The following TTC19 variants were observed in gnomAD, a reference collection of about 807,000 sequenced individuals.
The protein encoded by TTC19 is tetratricopeptide repeat protein 19, mitochondrial.
A neutral mutation model predicts 49.5 loss-of-function variants in TTC19; 38 were observed. That is an observed-to-expected ratio of 0.77 (90% CI 0.59 to 1.01). TTC19 has a LOEUF of 1.01. TTC19 is among the 50% of genes least tolerant of loss of function. The pLI, the probability that TTC19 is intolerant of heterozygous loss-of-function variation, is 0.00. For missense variants in TTC19, 475 were observed against 477.7 expected (o/e 0.99, Z 0.05); for synonymous variants, 204 against 185.2 (o/e 1.10, Z -0.83).
intron 7 of TTC19, among the ~76,000 whole-genome samples, chr17:16,010,993 G>A (rs1184927583): frequency 2.6e-5 from 4 of 152,280 alleles, no homozygotes; most frequent in South Asian, 4.1e-4. Flanking sequence ...TTTTGTGTAC[G>A]TTTTGCTTCC....
chr17:16,003,562 A>G (rs1970805980), intron 4 of TTC19, among the ~76,000 whole-genome samples: 1 of 152,136 alleles, frequency 6.6e-6, no homozygotes, highest in Non-Finnish European at 1.5e-5. Flanking sequence ...AGTCTCTGCC[A>G]CAGTGGGTTT....
intron 9 of TTC19, chr17:16,026,915 C>T (rs770430526): frequency 4.5e-5 from 28 of 626,146 alleles, no homozygotes; most frequent in Non-Finnish European, 6.9e-5. Context: ...ACTAGCCTGT[C>T]GAACCCCATC....
intron 7 of TTC19, among the ~76,000 whole-genome samples, chr17:16,014,573 C>T (rs1971161533): frequency 6.6e-6 from 1 of 152,184 alleles, no homozygotes; most frequent in African/African-American, 2.4e-5. Context: ...AATCATGATA[C>T]AGGTTGAGCA....
intron 7 of TTC19, among the ~76,000 whole-genome samples, chr17:16,008,364 A>T (rs978213267): frequency 1.3e-5 from 2 of 152,138 alleles, no homozygotes; most frequent in Non-Finnish European, 2.9e-5. Context: ...TAAATGGCAC[A>T]CTACTCATTT....
chr17:16,039,548 C>T (rs61754986), intron 2 of TTC19: 1 of 1,614,142 alleles, frequency 6.2e-7, no homozygotes, highest in Non-Finnish European at 8.5e-7. Flanking sequence ...CTCCATGATC[C>T]TCAACTTTGT....
In TTC19 at chr17:16,027,544, A is replaced by C; in HGVS notation, c.*22A>C. 6.2e-7 allele frequency: 1 copy of C among 1,613,232 alleles called. No homozygotes were observed. Among genetic ancestry groups the C allele is most frequent in the Non-Finnish European group, 8.5e-7 (1 of 1,179,458 alleles). On this transcript the variant is annotated 3_prime_UTR_variant, in exon 10 of 10. Transcript: ENST00000261647. ...CTAAATCCATTTTTGTGTAGGGAGA[A>C]TAATGTCTAGTAATGTGGAAGAATA... is the stretch of plus-strand genomic sequence containing the variant.
chr17:16,038,646 C>T (rs2056932992), intron 2 of TTC19, among the ~76,000 whole-genome samples: 1 of 152,114 alleles, frequency 6.6e-6, no homozygotes, highest in Non-Finnish European at 1.5e-5. Flanking sequence ...TCATGTTGCC[C>T]AGGCTGGTCT....
In TTC19 at chr17:16,002,028, A is replaced by G; in HGVS notation, c.423+3A>G. 6.3e-7 allele frequency: 1 copy of G among 1,598,884 alleles called. No homozygotes were observed. Among genetic ancestry groups the G allele is most frequent in the Non-Finnish European group, 8.6e-7 (1 of 1,168,904 alleles). The stretch of plus-strand genomic sequence containing the variant: ...CCATCACTTACACTTATGATTTGGT[A>G]ACTCTTATAACCAGTCTGAACCACT... On this transcript the variant is annotated splice_donor_region_variant and intron_variant, in intron 3 of 9. Transcript: ENST00000261647.
intron 1 of TTC19, 41 bp downstream of exon 1, chr17:16,000,073 A>G: frequency 7.4e-7 from 1 of 1,353,728 alleles, no homozygotes; most frequent in Non-Finnish European, 9.4e-7. Flanking sequence ...GGGCGGGGAC[A>G]GGGGCGCGGG....
chr17:16,029,391 ATTT>A lies in TTC19; in HGVS notation c.*1873_*1875del, dbSNP rs1325373927. On this transcript the variant is annotated 3_prime_UTR_variant, in exon 10 of 10. Transcript: ENST00000261647. ...AATTGGTTAAAATCGTGTCATTAAA[ATTT>A]TTTAACTGTCCAATGGTCACTGGAG... is the stretch of plus-strand genomic sequence containing the variant. 4 of 334,158 alleles carry A rather than the reference ATTT, an allele frequency of 1.2e-5. No individual in the cohort carries two copies. Among genetic ancestry groups the A allele is most frequent in the Middle Eastern group, 2.1e-3 (2 of 950 alleles). The allele number at this position is 334,158 out of a possible 1,614,324, so 20.7% of individuals were successfully genotyped here.
chr17:16,039,378 T>TGCATCAG, intron 2 of TTC19: 1 of 1,547,426 alleles, frequency 6.5e-7, no homozygotes, highest in Non-Finnish European at 8.9e-7. Context: ...ATTTGGGAAA[T>TGCATCAG]AAACTGGCTT....
chr17:16,026,549 C>T lies in TTC19; in HGVS notation c.841C>T (p.Leu281=), dbSNP rs776374029. Residue 281 remains leucine (L), a synonymous_variant, in exon 9 of 10, where the codon CTG becomes TTG. Coordinates refer to ENST00000261647, the MANE Select transcript of TTC19 (RefSeq NM_017775.4). The part of the protein sequence containing the change: ...QGERHPQTIV[L]MSDLATTLDA... The stretch of plus-strand genomic sequence containing the variant: ...TTTCTTTTACATACAGACCATTGTG[C>T]TGATGAGTGACCTGGCTACTACCCT... 1 of 1,614,106 alleles carries T rather than the reference C, an allele frequency of 6.2e-7. No individual in the cohort carries two copies. Among genetic ancestry groups the T allele is most frequent in the South Asian group, 1.1e-5 (1 of 91,072 alleles).
At chr17:16,025,388 T>C (rs1490527625) in intron 8 of TTC19, among the ~76,000 whole-genome samples, 1 of 152,210 alleles carries the variant, frequency 6.6e-6, no homozygotes, top group Non-Finnish European at 1.5e-5. Flanking sequence ...TGCCCAGAAC[T>C]TTTTGCATGA....
At chr17:16,034,293 G>A (rs1166607872), downstream of TTC19, among the ~76,000 whole-genome samples, 1 of 152,132 alleles carries the variant, frequency 6.6e-6, no homozygotes, top group Non-Finnish European at 1.5e-5. Context: ...GGTTATATGT[G>A]CATTCAGTTT....
At chr17:16,040,164 A>C in intron 2 of TTC19, 1 of 557,568 alleles carries the variant, frequency 1.8e-6, no homozygotes, top group Non-Finnish European at 3.4e-6. Flanking sequence ...CCACACTTCT[A>C]TTAAAGTTAC....
intron 6 of TTC19, 51 bp from the exon 7 acceptor site, chr17:16,006,423 A>T (rs770930388): frequency 1.8e-6 from 2 of 1,139,446 alleles, no homozygotes; most frequent in Non-Finnish European, 2.6e-6. Context: ...CAGAAGGAAG[A>T]AAAAAAAAAG....
At chr17:16,016,852 C>T (rs1210319341) in intron 7 of TTC19, among the ~76,000 whole-genome samples, 1 of 151,904 alleles carries the variant, frequency 6.6e-6, no homozygotes, top group Non-Finnish European at 1.5e-5. Context: ...GCTACTGTGC[C>T]CAGCCAGTTT....
intron 7 of TTC19, among the ~76,000 whole-genome samples, chr17:16,009,829 G>A (rs990003423): frequency 2.6e-5 from 4 of 151,958 alleles, no homozygotes; most frequent in African/African-American, 9.7e-5. Context: ...TACTTACTGA[G>A]GAAATGCCCA....
chr17:16,026,490 C>T (rs777588657), intron 8 of TTC19, 50 bp from the exon 9 acceptor site: 16 of 1,575,416 alleles, frequency 1.0e-5, no homozygotes, highest in Non-Finnish European at 1.4e-5. Context: ...CATTAAAGTT[C>T]TGTGAAGGCA....
Sources: allele counts gnomAD v4.1 joint callset (sites outside exome capture counted in the v4.1 genomes callset), GRCh38; gene constraint gnomAD v4.1.1; transcripts MANE v1.5; gene names NCBI Gene and HGNC (gene_info 2026-07-23, HGNC 2026-07-21).